Variants in MRPS15 observed in about 807,000 individuals in gnomAD.
MRPS15 encodes the protein mitochondrial ribosomal protein S15.
In MRPS15, 25 loss-of-function variants were observed where a neutral mutation model predicts 30.7. The ratio of observed to expected loss-of-function variants is 0.81; its 90% CI spans 0.59 to 1.14. The LOEUF is 1.14. MRPS15 is among the 50% of genes most tolerant of loss of function. The probability of loss-of-function intolerance (pLI) is 0.00; values close to 1 mark genes in which losing one functional copy is unlikely to be tolerated. For synonymous variants in MRPS15, 124 were observed against 120.1 expected (o/e 1.03, Z -0.21); for missense variants, 313 against 321.7 (o/e 0.97, Z 0.21).
chr1:36,463,641 G>A (rs1242414969), intron 2 of MRPS15, among the ~76,000 whole-genome samples, 165 bp downstream of exon 2: 1 of 152,184 alleles, frequency 6.6e-6, no homozygotes, highest in Non-Finnish European at 1.5e-5. Flanking sequence ...TCCCCATACA[G>A]GCTGCAGGCC....
chr1:36,460,526 C>T (rs1411727906), intron 5 of MRPS15, among the ~76,000 whole-genome samples, 166 bp downstream of exon 5: 2 of 152,142 alleles, frequency 1.3e-5, no homozygotes, highest in Non-Finnish European at 2.9e-5. Flanking sequence ...GGTGTTGACT[C>T]CAGCATCAGA....
intron 7 of MRPS15, 74 bp from the exon 8 acceptor site, chr1:36,455,999 G>C (rs1649986400): frequency 1.9e-6 from 3 of 1,564,182 alleles, no homozygotes; most frequent in Admixed American, 3.9e-5. Context: ...AGTGGGATGG[G>C]AACTATTTCC....
intron 5 of MRPS15, chr1:36,459,376 G>C (rs1650052899): frequency 7.1e-6 from 1 of 140,224 alleles, no homozygotes; most frequent in Non-Finnish European, 1.5e-5. Context: ...ATTCCAGCCT[G>C]AGTGACAGAG....
At chr1:36,461,648 C>T (rs1026299236) in intron 3 of MRPS15, among the ~76,000 whole-genome samples, 9 of 152,190 alleles carry the variant, frequency 5.9e-5, no homozygotes, top group Non-Finnish European at 1.2e-4. Flanking sequence ...GACCAGCTCC[C>T]ACCACACTGC....
chr1:36,456,556 G>T, intron 6 of MRPS15, 178 bp from the exon 7 acceptor site: 1 of 631,844 alleles, frequency 1.6e-6, no homozygotes, highest in Non-Finnish European at 2.6e-6. Context: ...GAAAACAAAG[G>T]TTTAAAGATG....
rs979486266 is a variant in MRPS15, at chr1:36,460,927, A to G, written c.301-151T>C. 8 of 670,466 alleles carry G rather than the reference A, an allele frequency of 1.2e-5. No homozygotes were observed. In the African/African-American group the frequency reaches 1.3e-4, roughly 11 times the overall value. The allele number at this position is 670,466 out of a possible 1,614,324, so 41.5% of individuals were successfully genotyped here. On this transcript the variant is annotated intron_variant, in intron 4 of 7. Transcript: ENST00000373116. ...ACTCTGCTCACTGTGGCCTTGACCA[A>G]CCACATGGCTATCCACATCCAGGTG... is the stretch of plus-strand genomic sequence containing the variant.
In MRPS15 at chr1:36,456,520, C is replaced by T. The variant is rs997171183; in HGVS notation, c.445-142G>A. ...AATGCAATTCTGAAGGAGGTATTAT[C>T]ATTGTTATTCCCATTTTACAGATGA... On this transcript the variant is annotated intron_variant, in intron 6 of 7. Coordinates refer to ENST00000373116, the MANE Select transcript of MRPS15 (RefSeq NM_031280.4). The T allele has an allele frequency of 1.2e-5, 9 of 774,624 alleles. No homozygotes were observed. In the African/African-American group the frequency reaches 1.6e-4, roughly 14 times the overall value. 48.0% of individuals were successfully genotyped at this position (774,624 alleles called of 1,614,324 possible). A position where few individuals can be genotyped will look rare whatever the true frequency, so the allele number is the denominator to read the frequency against.
intron 6 of MRPS15, among the ~76,000 whole-genome samples, chr1:36,457,329 T>C (rs1650010733): frequency 6.6e-6 from 1 of 151,898 alleles, no homozygotes; most frequent in Non-Finnish European, 1.5e-5. Context: ...GACTGCCTTG[T>C]TTCAAGGTCT....
At chr1:36,461,381 T>G (rs938156523) in intron 3 of MRPS15, 69 bp from the exon 4 acceptor site, 4 of 1,462,322 alleles carry the variant, frequency 2.7e-6, no homozygotes, top group Non-Finnish European at 3.8e-6. Flanking sequence ...TGGTTTCATT[T>G]TAGTTTGAAA....
At chr1:36,461,683 G>C (rs1650102179) in intron 3 of MRPS15, among the ~76,000 whole-genome samples, 1 of 152,216 alleles carries the variant, frequency 6.6e-6, no homozygotes, top group African/African-American at 2.4e-5. Context: ...GAGGGCCTCT[G>C]GCTTTGGTGT....
chr1:36,457,587 CT>C (rs1650016586), intron 6 of MRPS15, among the ~76,000 whole-genome samples: 1 of 152,182 alleles, frequency 6.6e-6, no homozygotes. Context: ...AAAACTGAGG[CT>C]GAGACCTGTA....
At chr1:36,457,856 C>G in intron 6 of MRPS15, 67 bp downstream of exon 6, 1 of 1,481,554 alleles carries the variant, frequency 6.7e-7, no homozygotes, top group Non-Finnish European at 9.4e-7. Flanking sequence ...GACCCAGAGC[C>G]CTTCCCCTCC....
rs757496654 is a variant in MRPS15 at position 36,463,814 on chromosome 1, C to T, written c.167G>A (p.Arg56Gln). The change falls in exon 2 of 8, where the codon CGG becomes CAG. Residue 56 changes from arginine to glutamine, a missense_variant. Arg to Gln is a conservative substitution (Grantham distance 43, BLOSUM62 1). Coordinates refer to ENST00000373116, the MANE Select transcript of MRPS15 (RefSeq NM_031280.4). ...ACCTTAGGAACTCCTACCTGGTTTC[C>T]GGACGACATATCCGCGCGCGGCCTG... The part of the protein sequence containing the change: ...LLQAARGYVV[R>Q]KPAQSRLDDD... The T allele has an allele frequency of 3.7e-6, 6 of 1,612,548 alleles. No homozygotes were observed. The highest frequency in any genetic ancestry group is 5.1e-6 in the Non-Finnish European group (6 of 1,179,176).
intron 4 of MRPS15, among the ~76,000 whole-genome samples, chr1:36,461,043 C>T (rs957266290): frequency 6.6e-6 from 1 of 152,220 alleles, no homozygotes; most frequent in Non-Finnish European, 1.5e-5. Flanking sequence ...TTCATTCATT[C>T]ACTGAGCACC....
chr1:36,464,272 G>GCATGGTGACCTCTAACCCCCGC lies in MRPS15; in HGVS notation c.-19_3dup (p.Leu2AlafsTer68), dbSNP rs756099580. ...CTCAGCGTCCTCCACGCGACCCTCA[G>GCATGGTGACCTCTAACCCCCGC]CATGGTGACCTCTAACCCCCGCGGG... is the stretch of plus-strand genomic sequence containing the variant. On this transcript the variant is annotated frameshift_variant, in exon 1 of 8. Coordinates refer to ENST00000373116, the MANE Select transcript of MRPS15 (RefSeq NM_031280.4). LOFTEE classifies it high-confidence loss of function. 6.2e-6 allele frequency: 10 copies of GCATGGTGACCTCTAACCCCCGC among 1,613,460 alleles called. No individual in the cohort carries two copies. Among genetic ancestry groups the GCATGGTGACCTCTAACCCCCGC allele is most frequent in the Non-Finnish European group, 8.5e-6 (10 of 1,179,744 alleles).
At chr1:36,463,334 G>A (rs1159672729) in intron 2 of MRPS15, among the ~76,000 whole-genome samples, 1 of 152,192 alleles carries the variant, frequency 6.6e-6, no homozygotes, top group Non-Finnish European at 1.5e-5. Flanking sequence ...GGTGCTTTTC[G>A]TGTATTATCG....
intron 1 of MRPS15, 54 bp downstream of exon 1, chr1:36,464,092 T>TCCTGTG: frequency 7.2e-7 from 1 of 1,387,808 alleles, no homozygotes; most frequent in Non-Finnish European, 9.8e-7. Context: ...TTATTCCCTA[T>TCCTGTG]CTTCGCCGAA....
Position 36,457,916 on chromosome 1 carries a change from A to C in MRPS15, c.444+7T>G, listed in dbSNP as rs200765204. 40 of 1,613,952 alleles carry C rather than the reference A, an allele frequency of 2.5e-5. No homozygotes were observed. The Middle Eastern group carries it at 4.9e-4, about 20-fold the overall frequency. On this transcript the variant is annotated splice_region_variant and intron_variant, in intron 6 of 7. Transcript: ENST00000373116. Reference sequence around the variant, plus strand: ...CTGTTTAACTGTGAATGACGTCCAGAGTTTACCTTTCGATGTTTCTCCAAG... The same window carrying C: ...CTGTTTAACTGTGAATGACGTCCAGCGTTTACCTTTCGATGTTTCTCCAAG...
chr1:36,463,427 A>G (rs1650136974), intron 2 of MRPS15, among the ~76,000 whole-genome samples: 2 of 152,232 alleles, frequency 1.3e-5, no homozygotes, highest in Non-Finnish European at 2.9e-5. Flanking sequence ...ACCTTGCCCC[A>G]TATCATTTAC....
Sources: allele counts gnomAD v4.1 joint callset (sites outside exome capture counted in the v4.1 genomes callset), GRCh38; gene constraint gnomAD v4.1.1; transcripts MANE v1.5; gene names NCBI Gene and HGNC (gene_info 2026-07-23, HGNC 2026-07-21).